Variants in FILIP1 observed in about 807,000 individuals in gnomAD.
FILIP1 encodes the protein filamin-A-interacting protein 1.
In FILIP1, 61 loss-of-function variants were observed where a neutral mutation model predicts 102.1. The observed-to-expected ratio is 0.60, with a 90% CI of 0.49 to 0.74. The LOEUF (loss-of-function observed/expected upper bound fraction) is 0.74. FILIP1 is among the 30% of genes least tolerant of loss of function. FILIP1 has a pLI of 0.00. For synonymous variants in FILIP1, 491 were observed against 526.9 expected (o/e 0.93, Z 0.93); for missense variants, 1,314 against 1,441.2 (o/e 0.91, Z 1.43).
intron 6 of FILIP1, among the ~76,000 whole-genome samples, chr6:75,301,519 A>G (rs1214117015): frequency 6.6e-6 from 1 of 152,096 alleles, no homozygotes; most frequent in Non-Finnish European, 1.5e-5. Context: ...TCTAAGGTCT[A>G]TTTCAGTTCT....
At chr6:75,361,108 T>A (rs1315420744) in intron 3 of FILIP1, among the ~76,000 whole-genome samples, 1 of 152,196 alleles carries the variant, frequency 6.6e-6, no homozygotes, top group Non-Finnish European at 1.5e-5. Context: ...GGGAAATGAC[T>A]CTTCAGATTG....
rs1562429107 is a variant in FILIP1, at chr6:75,308,870, G to C, written c.3463C>G (p.Pro1155Ala). 1 of 1,614,088 alleles carries C rather than the reference G, an allele frequency of 6.2e-7. No individual in the cohort carries two copies. Among genetic ancestry groups the C allele is most frequent in the Non-Finnish European group, 8.5e-7 (1 of 1,179,992 alleles). ...VSGQDGSSQR[P>A]TPTRIPMSKG... Reference sequence around the variant, plus strand: ...GACATAGGAATGCGGGTGGGTGTAGGCCGCTGGGATGACCCGTCTTGTCCT... The same window carrying C: ...GACATAGGAATGCGGGTGGGTGTAGCCCGCTGGGATGACCCGTCTTGTCCT... Residue 1155 changes from proline (P) to alanine (A), a missense_variant, in exon 6 of 6, where the codon CCT becomes GCT. Transcript: ENST00000237172.
intron 2 of FILIP1, among the ~76,000 whole-genome samples, chr6:75,375,020 T>A (rs1775705621): frequency 6.6e-6 from 1 of 152,142 alleles, no homozygotes; most frequent in East Asian, 1.9e-4. Context: ...AGGCTTTTCC[T>A]GGGAAAGAAC....
At chr6:75,323,448 A>G (rs767918217) in intron 4 of FILIP1, among the ~76,000 whole-genome samples, 3 of 152,244 alleles carry the variant, frequency 2.0e-5, no homozygotes, top group Admixed American at 1.3e-4. Context: ...TTGTAAACAA[A>G]TATTACTAGC....
At position 75,456,195 on chromosome 6, in the gene FILIP1, G is replaced by T. The variant is rs568857482; in HGVS notation, c.-7+37219C>A. On this transcript the variant is annotated intron_variant, in intron 1 of 5. Coordinates refer to ENST00000237172, the MANE Select transcript of FILIP1 (RefSeq NM_015687.5). ...GAAACACTTTTGGTTGTCACAAAGG[G>T]GTTGAGGGTACTACTGGCATGTATG... Among the ~76,000 whole-genome samples, 4 of 152,202 alleles carry T rather than the reference G, an allele frequency of 2.6e-5. No homozygotes were observed. The East Asian group carries it at 7.7e-4, about 29-fold the overall frequency.
intron 4 of FILIP1, among the ~76,000 whole-genome samples, chr6:75,352,257 C>G (rs1774834346): frequency 6.6e-6 from 1 of 152,132 alleles, no homozygotes; most frequent in African/African-American, 2.4e-5. Flanking sequence ...CTAGGTAAAT[C>G]TGTTCCCTAG....
chr6:75,372,846 C>T (rs1211225783), intron 2 of FILIP1, among the ~76,000 whole-genome samples: 1 of 151,582 alleles, frequency 6.6e-6, no homozygotes, highest in Non-Finnish European at 1.5e-5. Flanking sequence ...AATTGAAACC[C>T]TGGTGCACTA....
chr6:75,476,624 A>C (rs1225040305), intron 1 of FILIP1, among the ~76,000 whole-genome samples: 1 of 152,212 alleles, frequency 6.6e-6, no homozygotes, highest in East Asian at 1.9e-4. Flanking sequence ...CTCTCCTTTT[A>C]AAGTTAAGCT....
chr6:75,352,761 C>CT (rs767452362), intron 4 of FILIP1, among the ~76,000 whole-genome samples: 20 of 151,688 alleles, frequency 1.3e-4, no homozygotes, highest in Non-Finnish European at 2.5e-4. Flanking sequence ...AGCAGATTTC[C>CT]ACCCCAAAGA....
chr6:75,414,923 G>A lies in FILIP1; in HGVS notation c.50C>T (p.Ser17Phe). 1 of 1,613,842 alleles carries A rather than the reference G, an allele frequency of 6.2e-7. No homozygotes were observed. Among genetic ancestry groups the A allele is most frequent in the Non-Finnish European group, 8.5e-7 (1 of 1,179,842 alleles). ...GGESASDGHI[S>F]CPKPSIIGNA... ...GCCGATGATGGAGGGCTTGGGACAGGAGATATGCCCATCAGATGCACTTTC... is the reference window on the plus strand; with the variant it reads ...GCCGATGATGGAGGGCTTGGGACAGAAGATATGCCCATCAGATGCACTTTC... Residue 17 changes from serine (S) to phenylalanine (F), a missense_variant, in exon 2 of 6, where the codon TCC becomes TTC. By Grantham distance (155) the Ser-to-Phe change is radical. Coordinates refer to ENST00000237172, the MANE Select transcript of FILIP1 (RefSeq NM_015687.5).
intron 2 of FILIP1, among the ~76,000 whole-genome samples, chr6:75,372,367 C>CAA (rs1224463218): frequency 1.7e-3 from 84 of 48,884 alleles, no homozygotes; most frequent in East Asian, 5.5e-3. Flanking sequence ...AACTCTGTCT[C>CAA]AAAAAAAAAA....
intron 4 of FILIP1, among the ~76,000 whole-genome samples, chr6:75,322,883 G>C (rs1375723844): frequency 6.6e-6 from 1 of 151,980 alleles, no homozygotes; most frequent in African/African-American, 2.4e-5. Flanking sequence ...CAGTAGAGAC[G>C]GGGTTTTACC....
chr6:75,414,816 C>G lies in FILIP1; in HGVS notation c.157G>C (p.Gly53Arg), dbSNP rs962566047. 7.4e-6 allele frequency: 12 copies of G among 1,613,774 alleles called. No individual in the cohort carries two copies. Among genetic ancestry groups the G allele is most frequent in the Non-Finnish European group, 1.0e-5 (12 of 1,179,868 alleles). ...GTTTTTAGGTGTCGTTTGACAGTTC[C>G]TGAGGCCATGACATCATCCTCCTTC... ...NRKEDDVMAS[G>R]TVKRHLKTSG... Residue 53 changes from glycine (G) to arginine (R), a missense_variant, in exon 2 of 6, where the codon GGA (glycine) becomes CGA (arginine). This residue lies in a region of FILIP1 where 494 missense variants were observed against 511.2 expected (regional missense o/e 0.97). Coordinates refer to ENST00000237172, the MANE Select transcript of FILIP1 (RefSeq NM_015687.5).
At chr6:75,457,640 C>A (rs1477389557) in intron 1 of FILIP1, among the ~76,000 whole-genome samples, 1 of 152,060 alleles carries the variant, frequency 6.6e-6, no homozygotes, top group East Asian at 1.9e-4. Context: ...CTCTCTCTCT[C>A]TCTCTCTCGT....
rs775141616 is a variant in FILIP1, at chr6:75,313,167, G to C, written c.2665C>G (p.Arg889Gly). 1 of 1,614,006 alleles carries C rather than the reference G, an allele frequency of 6.2e-7. No individual in the cohort carries two copies. Among genetic ancestry groups the C allele is most frequent in the African/African-American group, 1.3e-5 (1 of 74,954 alleles). Residue 889 changes from arginine (R) to glycine (G), a missense_variant, in exon 5 of 6, where the codon CGA (arginine) becomes GGA (glycine). Arg to Gly is a moderately radical substitution (Grantham distance 125). Coordinates refer to ENST00000237172, the MANE Select transcript of FILIP1 (RefSeq NM_015687.5). The surrounding 1 kb of genome is among the most constrained non-coding windows in gnomAD (Gnocchi z 4.2). Reference protein sequence around the residue: ...GPSITQEKGPRTNSSPGHPGE... With the variant: ...GPSITQEKGPGTNSSPGHPGE... ...GGGTGCCCTGGACTGGAATTTGTTC[G>C]GGGCCCTTTCTCCTGAGTGATGGAG...
rs550831350 is a variant in FILIP1 at position 75,336,725 on chromosome 6, T to A, written c.629+16814A>T. Among the ~76,000 whole-genome samples the A allele has an allele frequency of 1.2e-4, 18 of 152,292 alleles. No individual in the cohort carries two copies. The South Asian group carries it at 2.7e-3, about 23-fold the overall frequency. ...AAACCTTTTTTAAAAATACCACAAATGTCAATCACAGACAGGTTTCTTTTC... is the reference window on the plus strand; with the variant it reads ...AAACCTTTTTTAAAAATACCACAAAAGTCAATCACAGACAGGTTTCTTTTC... On this transcript the variant is annotated intron_variant, in intron 4 of 5. Transcript: ENST00000237172.
chr6:75,474,912 C>T (rs1440366428), intron 1 of FILIP1, among the ~76,000 whole-genome samples: 1 of 151,834 alleles, frequency 6.6e-6, no homozygotes, highest in Non-Finnish European at 1.5e-5. Context: ...GTGTGTGGCA[C>T]CCCCCACCCC....
intron 4 of FILIP1, among the ~76,000 whole-genome samples, chr6:75,345,391 A>G (rs1385762559): frequency 6.6e-6 from 1 of 151,678 alleles, no homozygotes; most frequent in Non-Finnish European, 1.5e-5. Context: ...AGCCCGTAAA[A>G]TTGAGCTGCA....
intron 4 of FILIP1, among the ~76,000 whole-genome samples, chr6:75,347,704 T>C (rs1251323219): frequency 1.3e-5 from 2 of 152,020 alleles, no homozygotes; most frequent in Non-Finnish European, 2.9e-5. Flanking sequence ...AAAACGTTGA[T>C]TCTGACTAGT....
Sources: allele counts gnomAD v4.1 joint callset (sites outside exome capture counted in the v4.1 genomes callset), GRCh38; gene constraint gnomAD v4.1.1; regional missense constraint gnomAD v4.1.1; non-coding constraint Gnocchi (gnomAD v3.1); transcripts MANE v1.5; gene names NCBI Gene and HGNC (gene_info 2026-07-23, HGNC 2026-07-21).